The following ARHGAP20 variants were observed in gnomAD, a reference collection of about 807,000 sequenced individuals.
ARHGAP20 encodes the protein rho GTPase-activating protein 20.
Under a neutral mutation model 73.7 loss-of-function variants are expected in ARHGAP20, and 34 were observed. The observed-to-expected ratio is 0.46, with a 90% CI of 0.35 to 0.61. The LOEUF is 0.61. ARHGAP20 is among the 20% of genes least tolerant of loss of function. ARHGAP20 has a pLI of 0.00. For missense variants in ARHGAP20, 1,314 were observed against 1,420.9 expected (o/e 0.92, Z 1.21); for synonymous variants, 523 against 518.2 (o/e 1.01, Z -0.13).
intron 2 of ARHGAP20, among the ~76,000 whole-genome samples, chr11:110,671,473 G>A (rs1949826512): frequency 2.0e-5 from 3 of 152,022 alleles, no homozygotes; most frequent in African/African-American, 2.4e-5. Flanking sequence ...TACCACTTTC[G>A]ACAATACAGT....
At chr11:110,712,620 C>G (rs1950696259), upstream of ARHGAP20, 1 of 152,508 alleles carries the variant, frequency 6.6e-6, no homozygotes, top group Non-Finnish European at 1.5e-5. Context: ...TGTTAGCACA[C>G]CGGCCACCGG....
chr11:110,629,927 C>T (rs1829046388), intron 3 of ARHGAP20, among the ~76,000 whole-genome samples: 1 of 152,222 alleles, frequency 6.6e-6, no homozygotes, highest in South Asian at 2.1e-4. Context: ...AGAGAAACTG[C>T]ATGAGATATT....
intron 2 of ARHGAP20, among the ~76,000 whole-genome samples, chr11:110,676,049 A>T (rs1361438271): frequency 6.6e-6 from 1 of 152,218 alleles, no homozygotes; most frequent in Non-Finnish European, 1.5e-5. Context: ...GTTGAAAATA[A>T]AAATATATGG....
At chr11:110,629,618 C>T (rs1317056673) in intron 3 of ARHGAP20, among the ~76,000 whole-genome samples, 4 of 152,138 alleles carry the variant, frequency 2.6e-5, no homozygotes, top group African/African-American at 9.7e-5. Flanking sequence ...TATCTTTATG[C>T]TTGTCTTTAA....
intron 2 of ARHGAP20, among the ~76,000 whole-genome samples, chr11:110,679,070 A>G (rs1949988201): frequency 6.6e-6 from 1 of 152,198 alleles, no homozygotes. Flanking sequence ...GATTTCAACC[A>G]GGGCTGGCTG....
At chr11:110,685,558 A>G (rs1266803582) in intron 2 of ARHGAP20, among the ~76,000 whole-genome samples, 1 of 152,070 alleles carries the variant, frequency 6.6e-6, no homozygotes, top group Non-Finnish European at 1.5e-5. Context: ...ACCAAAGAAC[A>G]CTGGAGATAA....
At chr11:110,709,150 G>A (rs1950602263) in intron 1 of ARHGAP20, among the ~76,000 whole-genome samples, 1 of 152,094 alleles carries the variant, frequency 6.6e-6, no homozygotes, top group African/African-American at 2.4e-5. Flanking sequence ...CATTGTCTAT[G>A]GCTGCTTTAG....
chr11:110,592,137 A>G lies in ARHGAP20; in HGVS notation c.983T>C (p.Phe328Ser). Reference sequence around the variant, plus strand: ...GTTTATGATAGATCTTCTCCTTTTAAATGTCTTATGACCTGAATCTAAGGA... The same window carrying G: ...GTTTATGATAGATCTTCTCCTTTTAGATGTCTTATGACCTGAATCTAAGGA... ...QQLSDSGHKT[F>S]KRRRSIINWA... is the part of the protein sequence containing the mutation. The change falls in exon 10 of 15, where the codon TTT becomes TCT. Residue 328 changes from phenylalanine (F) to serine (S), a missense_variant. Around this residue, in one of 3 missense-constraint regions of ARHGAP20, gnomAD observed 443 missense variants for 466.4 expected, o/e 0.95. Coordinates refer to ENST00000683387, the MANE Select transcript of ARHGAP20 (RefSeq NM_001384657.1). 6.2e-7 allele frequency: 1 copy of G among 1,613,920 alleles called. No individual in the cohort carries two copies. Among genetic ancestry groups the G allele is most frequent in the Non-Finnish European group, 8.5e-7 (1 of 1,179,864 alleles).
chr11:110,604,080 C>A (rs1948168059), intron 9 of ARHGAP20, among the ~76,000 whole-genome samples: 1 of 151,966 alleles, frequency 6.6e-6, no homozygotes, highest in Non-Finnish European at 1.5e-5. Context: ...TTTGTTTTTT[C>A]TCCTGTTATG....
At chr11:110,620,531 G>A (rs1055614436) in intron 4 of ARHGAP20, among the ~76,000 whole-genome samples, 3 of 152,034 alleles carry the variant, frequency 2.0e-5, no homozygotes, top group African/African-American at 7.2e-5. Context: ...AATTTTAAAT[G>A]GATGATGACC....
intron 2 of ARHGAP20, among the ~76,000 whole-genome samples, chr11:110,681,660 A>T (rs531782746): frequency 1.3e-5 from 2 of 152,324 alleles, no homozygotes; most frequent in East Asian, 3.9e-4. Flanking sequence ...CAGAGGAAAA[A>T]GGAAGTGGAA....
rs140677834 is a variant in ARHGAP20 at position 110,608,646 on chromosome 11, T to C, written c.775+338A>G. Among the ~76,000 whole-genome samples, 11 of 152,180 alleles carry C rather than the reference T, an allele frequency of 7.2e-5. No individual in the cohort carries two copies. The East Asian group carries it at 1.7e-3, about 24-fold the overall frequency. On this transcript the variant is annotated intron_variant, in intron 8 of 14. Transcript: ENST00000683387. Reference sequence around the variant, plus strand: ...GAACAGGAAATTAAAAAACTGAATATGAAAAATAAATGTATGGAGAAAAAT... The same window carrying C: ...GAACAGGAAATTAAAAAACTGAATACGAAAAATAAATGTATGGAGAAAAAT...
At chr11:110,597,876 C>T (rs1265988231) in intron 9 of ARHGAP20, among the ~76,000 whole-genome samples, 1 of 152,140 alleles carries the variant, frequency 6.6e-6, no homozygotes, top group Non-Finnish European at 1.5e-5. Context: ...TCTTACAGAG[C>T]TTTTAATGCA....
In ARHGAP20 at chr11:110,577,906, T is replaced by A; in HGVS notation, c.*1464A>T. 1 of 985,762 alleles carries A rather than the reference T, an allele frequency of 1.0e-6. No homozygotes were observed. Among genetic ancestry groups the A allele is most frequent in the Non-Finnish European group, 1.2e-6 (1 of 829,844 alleles). 61.1% of individuals were successfully genotyped at this position (985,762 alleles called of 1,614,324 possible). On this transcript the variant is annotated 3_prime_UTR_variant, in exon 15 of 15. Coordinates refer to ENST00000683387, the MANE Select transcript of ARHGAP20 (RefSeq NM_001384657.1). ...AGAAAGAACATTTGATATGACCATT[T>A]TCTGGTGATTAATAAGACAAATAAT...
chr11:110,685,937 G>A (rs1344015872), intron 2 of ARHGAP20, among the ~76,000 whole-genome samples: 6 of 145,184 alleles, frequency 4.1e-5, no homozygotes, highest in Non-Finnish European at 5.9e-5. Flanking sequence ...GGAAGGCTAC[G>A]AGAATTTTGC....
In ARHGAP20 at chr11:110,693,651, A is replaced by G. The variant is rs1421780451; in HGVS notation, c.106-3022T>C. Among the ~76,000 whole-genome samples, 4 of 152,048 alleles carry G rather than the reference A, an allele frequency of 2.6e-5. No individual in the cohort carries two copies. The East Asian group carries it at 7.7e-4, about 29-fold the overall frequency. On this transcript the variant is annotated intron_variant, in intron 1 of 14. Transcript: ENST00000683387. Reference sequence around the variant, plus strand: ...AGTGTAACCAAACAAAGGGCCACTAATAACTTCAAAACAAATTCACTGATC... The same window carrying G: ...AGTGTAACCAAACAAAGGGCCACTAGTAACTTCAAAACAAATTCACTGATC...
At chr11:110,583,426 C>A in intron 13 of ARHGAP20, 122 bp downstream of exon 13, 1 of 919,296 alleles carries the variant, frequency 1.1e-6, no homozygotes, top group Non-Finnish European at 1.6e-6. Context: ...CCAGTAAAGT[C>A]AAATTTATAA....
In ARHGAP20 at chr11:110,577,273, G is replaced by A; in HGVS notation, c.*2097C>T. ...CAGTCTAATATATTATAGATTGATG[G>A]AGTATAATAAAATGACATATAGTCT... is the stretch of plus-strand genomic sequence containing the variant. On this transcript the variant is annotated 3_prime_UTR_variant, in exon 15 of 15. Coordinates refer to ENST00000683387, the MANE Select transcript of ARHGAP20 (RefSeq NM_001384657.1). 4 of 1,395,204 alleles carry A rather than the reference G, an allele frequency of 2.9e-6. No individual in the cohort carries two copies. Among genetic ancestry groups the A allele is most frequent in the Non-Finnish European group, 3.7e-6 (4 of 1,071,266 alleles). The allele number at this position is 1,395,204 out of a possible 1,614,324, so 86.4% of individuals were successfully genotyped here. A position where few individuals can be genotyped will look rare whatever the true frequency, so the allele number is the denominator to read the frequency against.
rs532425162 is a variant in ARHGAP20, at chr11:110,587,123, CT to C, written c.1306-799del. Among the ~76,000 whole-genome samples the C allele has an allele frequency of 7.9e-5, 12 of 152,270 alleles. No homozygotes were observed. In the East Asian group the frequency reaches 2.3e-3, roughly 29 times the overall value. On this transcript the variant is annotated intron_variant, in intron 11 of 14. Coordinates refer to ENST00000683387, the MANE Select transcript of ARHGAP20 (RefSeq NM_001384657.1). ...ATGACCAAGTATGTTTGTTGTTTAGCTTTTGTTGTTTGGCTTTTGTTTACAA... is the reference window on the plus strand; with the variant it reads ...ATGACCAAGTATGTTTGTTGTTTAGCTTTGTTGTTTGGCTTTTGTTTACAA...
Sources: allele counts gnomAD v4.1 joint callset (sites outside exome capture counted in the v4.1 genomes callset), GRCh38; gene constraint gnomAD v4.1.1; regional missense constraint gnomAD v4.1.1; transcripts MANE v1.5; gene names NCBI Gene and HGNC (gene_info 2026-07-23, HGNC 2026-07-21).